Variants in PTPRD observed in about 807,000 individuals in gnomAD.
The protein encoded by PTPRD is receptor-type tyrosine-protein phosphatase delta.
PTPRD carries 34 observed loss-of-function variants against 214.5 expected under a neutral mutation model. The observed-to-expected ratio is 0.16, with a 90% CI of 0.12 to 0.21. The LOEUF (loss-of-function observed/expected upper bound fraction) is 0.21. PTPRD is among the 10% of genes least tolerant of loss of function. The pLI is 1.00. For missense variants in PTPRD, 2,545 were observed against 2,398.7 expected (o/e 1.06, Z -1.27); for synonymous variants, 1,128 against 845.7 (o/e 1.33, Z -5.79).
intron 30 of PTPRD, among the ~76,000 whole-genome samples, chr9:8,480,384 A>G (rs1283381190): frequency 1.3e-5 from 2 of 152,180 alleles, no homozygotes; most frequent in Non-Finnish European, 2.9e-5. Flanking sequence ...AGCCGGAGTT[A>G]GGAGCCTCGT....
Position 10,088,403 on chromosome 9 carries a change from T to C in PTPRD, c.-544-54613A>G, listed in dbSNP as rs559185855. Among the ~76,000 whole-genome samples, 50 of 151,890 alleles carry C rather than the reference T, an allele frequency of 3.3e-4. 1 individual carries two copies. In the South Asian group the frequency reaches 7.7e-3, roughly 23 times the overall value. ...CATGTCTATGGACCCCAAGTACACA[T>C]CTTCTGACTTATGATCAGATAATAG... On this transcript the variant is annotated intron_variant, in intron 3 of 45. Coordinates refer to ENST00000381196, the MANE Select transcript of PTPRD (RefSeq NM_002839.4).
intron 3 of PTPRD, among the ~76,000 whole-genome samples, chr9:10,231,083 A>C (rs1388073219): frequency 6.6e-6 from 1 of 152,000 alleles, no homozygotes; most frequent in African/African-American, 2.4e-5. Flanking sequence ...CCTGAAATGG[A>C]AAAGCTTCAA....
chr9:9,690,349 G>A (rs997773988), intron 7 of PTPRD, among the ~76,000 whole-genome samples: 42 of 151,614 alleles, frequency 2.8e-4, no homozygotes, highest in African/African-American at 8.0e-4. Flanking sequence ...CCTTCCTATC[G>A]AGTTGTCTGA....
At chr9:10,208,502 A>G (rs941952927) in intron 3 of PTPRD, among the ~76,000 whole-genome samples, 1 of 152,250 alleles carries the variant, frequency 6.6e-6, no homozygotes, top group Non-Finnish European at 1.5e-5. Context: ...CGACAGAGCG[A>G]GACTGCGTCT....
intron 14 of PTPRD, among the ~76,000 whole-genome samples, chr9:8,579,187 TA>T (rs2092788558): frequency 6.6e-6 from 1 of 152,228 alleles, no homozygotes; most frequent in Non-Finnish European, 1.5e-5. Context: ...ATTTTCTTTG[TA>T]AATGTGAAAG....
chr9:8,474,310 T>A (rs2096719322), intron 30 of PTPRD, among the ~76,000 whole-genome samples: 1 of 152,146 alleles, frequency 6.6e-6, no homozygotes, highest in South Asian at 2.1e-4. Context: ...AAGATTCTTT[T>A]GCGGGGTTCA....
chr9:10,394,161 T>C (rs2098126084), intron 2 of PTPRD, among the ~76,000 whole-genome samples: 1 of 145,372 alleles, frequency 6.9e-6, no homozygotes, highest in Non-Finnish European at 1.5e-5. Context: ...TATATATAGA[T>C]ATATATACAT....
intron 12 of PTPRD, among the ~76,000 whole-genome samples, chr9:8,702,732 C>T (rs1226959692): frequency 6.6e-6 from 1 of 152,174 alleles, no homozygotes; most frequent in Non-Finnish European, 1.5e-5. Flanking sequence ...CTCAGCCTCC[C>T]CAGTAGCTGG....
chr9:9,157,944 C>T (rs1569555917), intron 10 of PTPRD, among the ~76,000 whole-genome samples: 1 of 152,144 alleles, frequency 6.6e-6, no homozygotes. Flanking sequence ...TCAGTCAGCT[C>T]CTACTTATAA....
At chr9:9,716,976 G>A (rs1595908836) in intron 7 of PTPRD, among the ~76,000 whole-genome samples, 1 of 152,102 alleles carries the variant, frequency 6.6e-6, no homozygotes, top group Non-Finnish European at 1.5e-5. Flanking sequence ...GGATTTTTAT[G>A]GTTTTAGATC....
At chr9:10,329,556 T>C (rs2096711509) in intron 3 of PTPRD, among the ~76,000 whole-genome samples, 1 of 151,854 alleles carries the variant, frequency 6.6e-6, no homozygotes, top group Admixed American at 6.6e-5. Flanking sequence ...CTCTTGGCTT[T>C]TGATTAGAAA....
At chr9:9,928,130 AAAATTCAACTT>A (rs1471814406) in intron 5 of PTPRD, among the ~76,000 whole-genome samples, 1 of 152,194 alleles carries the variant, frequency 6.6e-6, no homozygotes, top group African/African-American at 2.4e-5. Flanking sequence ...GTCAACCGTT[AAAATTCAACTT>A]TACTACAGTT....
chr9:8,717,926 T>C (rs1244257454), intron 12 of PTPRD, among the ~76,000 whole-genome samples: 1 of 152,198 alleles, frequency 6.6e-6, no homozygotes, highest in Non-Finnish European at 1.5e-5. Flanking sequence ...CTGCCCTGAA[T>C]TCCCTTTATT....
At chr9:8,439,828 T>C (rs949796352) in intron 34 of PTPRD, among the ~76,000 whole-genome samples, 53 of 152,008 alleles carry the variant, frequency 3.5e-4, no homozygotes, top group Admixed American at 3.5e-3. Context: ...GACCTCACTG[T>C]GGTACCTTTT....
intron 3 of PTPRD, among the ~76,000 whole-genome samples, chr9:10,200,045 T>A (rs2099413372): frequency 6.6e-6 from 1 of 152,076 alleles, no homozygotes; most frequent in African/African-American, 2.4e-5. Flanking sequence ...TTTTCTTCTA[T>A]ACAGATGTGT....
chr9:10,271,889 A>T (rs541683273), intron 3 of PTPRD, among the ~76,000 whole-genome samples: 12 of 151,664 alleles, frequency 7.9e-5, no homozygotes, highest in Admixed American at 2.0e-4. Context: ...ATTTTTTTTT[A>T]AATTTTATTT....
intron 11 of PTPRD, among the ~76,000 whole-genome samples, chr9:8,902,299 T>C (rs1489659353): frequency 6.6e-6 from 1 of 152,064 alleles, no homozygotes; most frequent in South Asian, 2.1e-4. Context: ...CCAACCCAGA[T>C]TTATTCAACT....
At chr9:10,043,502 ACT>A (rs926851797) in intron 3 of PTPRD, among the ~76,000 whole-genome samples, 29 of 151,612 alleles carry the variant, frequency 1.9e-4, no homozygotes, top group Admixed American at 1.9e-3. Context: ...TCTCAATGAA[ACT>A]CTATGGGATT....
At chr9:8,621,589 T>G (rs1459196709) in intron 14 of PTPRD, among the ~76,000 whole-genome samples, 2 of 151,878 alleles carry the variant, frequency 1.3e-5, no homozygotes, top group African/African-American at 4.8e-5. Flanking sequence ...GAGTGAATTC[T>G]TCCTCCCAGA....
Sources: gnomAD v4.1 joint callset for allele counts (sites outside exome capture counted in the v4.1 genomes callset) on GRCh38, gnomAD v4.1.1 for gene constraint, MANE v1.5 for transcripts, NCBI Gene and HGNC (gene_info 2026-07-23, HGNC 2026-07-21) for gene names.